The following FRAS1 variants were observed in gnomAD, a reference collection of about 807,000 sequenced individuals.
The protein encoded by FRAS1 is Fraser extracellular matrix complex subunit 1, also known as extracellular matrix organizing protein FRAS1.
FRAS1 carries 290 observed loss-of-function variants against 435.2 expected under a neutral mutation model. That is an observed-to-expected ratio of 0.67 (90% CI 0.61 to 0.73). FRAS1 has a LOEUF of 0.73. Among genes scored for constraint, FRAS1 ranks in the 30% least tolerant of loss-of-function variants. FRAS1 has a pLI of 0.00. For missense variants in FRAS1, 4,860 were observed against 5,001.5 expected, an observed-to-expected ratio of 0.97 and a Z score of 0.85; for synonymous variants, 1,800 against 1,851.0, an observed-to-expected ratio of 0.97 and a Z score of 0.71.
chr4:78,171,988 GAA>G (rs1277308135), intron 2 of FRAS1, among the ~76,000 whole-genome samples: 2 of 152,044 alleles, frequency 1.3e-5, no homozygotes, highest in African/African-American at 2.4e-5. Context: ...CTCAAGTCAA[GAA>G]TAGCTTCCTT....
chr4:78,307,626 C>A (rs532749242), intron 14 of FRAS1, among the ~76,000 whole-genome samples: 1 of 152,216 alleles, frequency 6.6e-6, no homozygotes, highest in Non-Finnish European at 1.5e-5. Flanking sequence ...TTCCAGGTGC[C>A]GTCTGTCACC....
At chr4:78,358,233 T>G (rs1293049986) in intron 20 of FRAS1, among the ~76,000 whole-genome samples, 1 of 152,190 alleles carries the variant, frequency 6.6e-6, no homozygotes, top group Non-Finnish European at 1.5e-5. Context: ...TTAACCTCAC[T>G]TATAATAAAA....
In FRAS1 at chr4:78,199,321, G is replaced by A. The variant is rs375584501; in HGVS notation, c.109-38189G>A. On this transcript the variant is annotated intron_variant, in intron 2 of 73. Transcript: ENST00000512123. Reference sequence around the variant, plus strand: ...AGTGGCTCAAGTGATCTTTGTAGCTGAAGAACAACTGTGGCCTCTGCAAGT... The same window carrying A: ...AGTGGCTCAAGTGATCTTTGTAGCTAAAGAACAACTGTGGCCTCTGCAAGT... Among the ~76,000 whole-genome samples, 4 of 152,312 alleles carry A rather than the reference G, an allele frequency of 2.6e-5. No homozygotes were observed. In the East Asian group the frequency reaches 5.8e-4, roughly 22 times the overall value.
chr4:78,324,832 G>A lies in FRAS1; in HGVS notation c.2137+5846G>A, dbSNP rs1377856035. Among the ~76,000 whole-genome samples, 37 of 150,106 alleles carry A rather than the reference G, an allele frequency of 2.5e-4. No homozygotes were observed. In the Admixed American group the frequency reaches 2.5e-3, roughly 10 times the overall value. On this transcript the variant is annotated intron_variant, in intron 18 of 73. Transcript: ENST00000512123. The stretch of plus-strand genomic sequence containing the variant: ...TAAACAATTTGGCAGTGGTGACTGG[G>A]ACTGGATATGAACATGGTCAGAATG...
chr4:78,535,156 C>T (rs1721842257), intron 71 of FRAS1, among the ~76,000 whole-genome samples: 1 of 152,198 alleles, frequency 6.6e-6, no homozygotes, highest in African/African-American at 2.4e-5. Flanking sequence ...ACCATCTTGC[C>T]TCTCAGATGA....
chr4:78,334,742 C>T (rs1730103481), intron 19 of FRAS1, among the ~76,000 whole-genome samples: 1 of 151,764 alleles, frequency 6.6e-6, no homozygotes, highest in African/African-American at 2.4e-5. Flanking sequence ...GTTTTCATGG[C>T]TGCATATTAT....
intron 2 of FRAS1, among the ~76,000 whole-genome samples, chr4:78,188,470 T>G (rs1722382428): frequency 6.6e-6 from 1 of 152,212 alleles, no homozygotes; most frequent in Admixed American, 6.5e-5. Flanking sequence ...CACTGGACCT[T>G]GCAGTCCACA....
chr4:78,127,828 T>G (rs1178276302), intron 2 of FRAS1, among the ~76,000 whole-genome samples: 4 of 152,080 alleles, frequency 2.6e-5, no homozygotes, highest in African/African-American at 9.7e-5. Context: ...ATACCTCATG[T>G]GCCATGTTGG....
At chr4:78,493,790 G>T (rs778359554) in intron 59 of FRAS1, among the ~76,000 whole-genome samples, 4 of 151,980 alleles carry the variant, frequency 2.6e-5, no homozygotes, top group Non-Finnish European at 4.4e-5. Flanking sequence ...ATGTATCCCA[G>T]AACTTAAAGT....
At chr4:78,326,432 T>A (rs1279646997) in intron 18 of FRAS1, among the ~76,000 whole-genome samples, 1 of 151,986 alleles carries the variant, frequency 6.6e-6, no homozygotes, top group African/African-American at 2.4e-5. Context: ...AGAAAAGAAA[T>A]AGCAGGTAGG....
Position 78,522,808 on chromosome 4 carries a change from G to A in FRAS1, c.10808G>A (p.Arg3603Lys), listed in dbSNP as rs1283875997. The A allele has an allele frequency of 3.7e-6, 6 of 1,601,064 alleles. No individual in the cohort carries two copies. The highest frequency in any genetic ancestry group is 8.5e-7 in the Non-Finnish European group (1 of 1,174,780). ...QLWRATSSYN[R>K]KDYSGEYTIY... ...TGGAGAGCCACAAGCTCTTATAACA[G>A]GTAAATACAGTGATGGAGGCCTCCA... The change falls in exon 69 of 74, where the codon AGG becomes AAG. Residue 3603 changes from arginine to lysine, a missense_variant and splice_region_variant. By Grantham distance (26) the Arg-to-Lys change is conservative (BLOSUM62 2). Transcript: ENST00000512123.
At chr4:78,370,373 T>C (rs1372389734) in intron 23 of FRAS1, among the ~76,000 whole-genome samples, 2 of 152,118 alleles carry the variant, frequency 1.3e-5, no homozygotes, top group Non-Finnish European at 2.9e-5. Context: ...GATTTTCAAG[T>C]GTTGTTGGTT....
chr4:78,262,251 G>A (rs894479971), intron 6 of FRAS1, among the ~76,000 whole-genome samples: 8 of 152,030 alleles, frequency 5.3e-5, no homozygotes, highest in South Asian at 2.1e-4. Flanking sequence ...TCTTTACACC[G>A]GGGCACTCTC....
chr4:78,460,108 A>G (rs1719324721), intron 47 of FRAS1, among the ~76,000 whole-genome samples: 1 of 152,318 alleles, frequency 6.6e-6, no homozygotes, highest in Non-Finnish European at 1.5e-5. Context: ...TGAGCTTGAG[A>G]TAGGACATGG....
intron 4 of FRAS1, among the ~76,000 whole-genome samples, chr4:78,251,715 G>A (rs1343261133): frequency 6.6e-6 from 1 of 152,188 alleles, no homozygotes; most frequent in Non-Finnish European, 1.5e-5. Context: ...TATTATTATA[G>A]ATCAAGAAAC....
intron 2 of FRAS1, among the ~76,000 whole-genome samples, chr4:78,113,349 G>T (rs1459991220): frequency 1.3e-5 from 2 of 152,148 alleles, no homozygotes; most frequent in Non-Finnish European, 2.9e-5. Context: ...AACCAGTAAT[G>T]GGATGGCTGG....
At chr4:78,326,405 C>G (rs1183489384) in intron 18 of FRAS1, among the ~76,000 whole-genome samples, 1 of 151,998 alleles carries the variant, frequency 6.6e-6, no homozygotes, top group African/African-American at 2.4e-5. Flanking sequence ...GTGGAGCTAC[C>G]AAGTGAGATA....
chr4:78,446,850 AT>A lies in FRAS1; in HGVS notation c.5985del (p.Phe1995LeufsTer3), dbSNP rs778635592. On this transcript the variant is annotated frameshift_variant, in exon 43 of 74. Transcript: ENST00000512123. LOFTEE classifies it high-confidence loss of function. ...QDLDTPDNEL[I>X]FVLTKKPDHG... Reference sequence around the variant, plus strand: ...CCTGGACACCCCAGATAATGAGCTCATTTTTGTATTGACAAAAAAGCCTGAC... The same window carrying A: ...CCTGGACACCCCAGATAATGAGCTCATTTTGTATTGACAAAAAAGCCTGAC... 12 of 1,610,872 alleles carry A rather than the reference AT, an allele frequency of 7.4e-6. No individual in the cohort carries two copies. Among genetic ancestry groups the A allele is most frequent in the Non-Finnish European group, 8.5e-7 (1 of 1,178,412 alleles).
intron 26 of FRAS1, among the ~76,000 whole-genome samples, chr4:78,376,469 G>A (rs1731766746): frequency 6.6e-6 from 1 of 151,994 alleles, no homozygotes; most frequent in African/African-American, 2.4e-5. Flanking sequence ...TCATATAAGT[G>A]GTCTGTTGTT....
Sources: allele counts gnomAD v4.1 joint callset (sites outside exome capture counted in the v4.1 genomes callset), GRCh38; gene constraint gnomAD v4.1.1; transcripts MANE v1.5; gene names NCBI Gene and HGNC (gene_info 2026-07-23, HGNC 2026-07-21).